The following RBFOX3 variants were observed in gnomAD, a reference collection of about 807,000 sequenced individuals.
RBFOX3 encodes the protein RNA binding fox-1 homolog 3.
Under a neutral mutation model 48.7 loss-of-function variants are expected in RBFOX3, and 17 were observed. That is an observed-to-expected ratio of 0.35 (90% confidence interval 0.24 to 0.52). The LOEUF is 0.52. RBFOX3 is among the 20% of genes least tolerant of loss of function. RBFOX3 has a pLI of 0.94. For missense variants in RBFOX3, 382 were observed against 497.5 expected (o/e 0.77, Z 2.21); for synonymous variants, 212 against 209.5 (o/e 1.01, Z -0.10).
intron 2 of RBFOX3, among the ~76,000 whole-genome samples, chr17:79,372,324 C>T: frequency 8.6e-6 from 1 of 115,630 alleles, no homozygotes. Context: ...CCTGTCAAAT[C>T]CCCCCCATCC....
intron 2 of RBFOX3, among the ~76,000 whole-genome samples, chr17:79,380,253 A>G (rs905991635): frequency 6.6e-6 from 1 of 152,190 alleles, no homozygotes; most frequent in African/African-American, 2.4e-5. Flanking sequence ...ATCTTACAGC[A>G]GAAGGATTTA....
In RBFOX3 at chr17:79,103,541, G is replaced by A. The variant is rs939878093; in HGVS notation, c.415-287C>T. ...GGCATCTCCAAAGGGACAGGCCAAA[G>A]CCACATAAGAGACGCCATACCTGAC... is the stretch of plus-strand genomic sequence containing the variant. On this transcript the variant is annotated intron_variant, in intron 7 of 14. Coordinates refer to ENST00000693108, the MANE Select transcript of RBFOX3 (RefSeq NM_001350451.2). The surrounding 1 kb of genome is among the most constrained non-coding windows in gnomAD (Gnocchi z 6.1). Among the ~76,000 whole-genome samples, 3 of 152,254 alleles carry A rather than the reference G, an allele frequency of 2.0e-5. No individual in the cohort carries two copies. The highest frequency in any genetic ancestry group is 3.9e-4 in the East Asian group (2 of 5,148).
intron 2 of RBFOX3, among the ~76,000 whole-genome samples, chr17:79,319,679 TA>T (rs1489801792): frequency 6.6e-6 from 1 of 151,962 alleles, no homozygotes; most frequent in Admixed American, 6.6e-5. Context: ...GCTGCTGGGC[TA>T]TATCTGGGCT....
chr17:79,132,776 C>A (rs576535599), intron 4 of RBFOX3: 1 of 151,632 alleles, frequency 6.6e-6, no homozygotes, highest in Non-Finnish European at 1.5e-5. Context: ...GGGGTGCAGG[C>A]GACATGAGGA....
chr17:79,370,525 A>C lies in RBFOX3; in HGVS notation c.-174-62701T>G, dbSNP rs200963526. On this transcript the variant is annotated intron_variant, in intron 2 of 14. Coordinates refer to ENST00000693108, the MANE Select transcript of RBFOX3 (RefSeq NM_001350451.2). ...ACACACACGTACACGTCTCTGGTAC[A>C]CCCTGAAATGCACACATACACTAAC... Among the ~76,000 whole-genome samples, 3 of 151,432 alleles carry C rather than the reference A, an allele frequency of 2.0e-5. No homozygotes were observed. The East Asian group carries it at 5.8e-4, about 29-fold the overall frequency.
In RBFOX3 at chr17:79,418,358, C is replaced by T. The variant is rs1205272691; in HGVS notation, c.-175+64096G>A. ...CACGTTTCCCACACTAAAAGTTGGC[C>T]ACGTTCTTCCTACAGCAAAAGAAAG... On this transcript the variant is annotated intron_variant, in intron 2 of 14. Coordinates refer to ENST00000693108, the MANE Select transcript of RBFOX3 (RefSeq NM_001350451.2). The surrounding 1 kb of genome is among the most constrained non-coding windows in gnomAD (Gnocchi z 5.0). Among the ~76,000 whole-genome samples the T allele has an allele frequency of 6.6e-6, 1 of 152,162 alleles. No individual in the cohort carries two copies. The highest frequency in any genetic ancestry group is 1.5e-5 in the Non-Finnish European group (1 of 68,042).
intron 4 of RBFOX3, chr17:79,235,375 T>C (rs74748211): frequency 0.28 from 40,102 of 141,634 alleles, 5,723 homozygotes; most frequent in East Asian, 0.53. Context: ...TGGGTGGCCA[T>C]GCGCGGAGCA....
intron 2 of RBFOX3, among the ~76,000 whole-genome samples, chr17:79,427,535 C>T (rs1021105702): frequency 1.6e-4 from 24 of 152,202 alleles, no homozygotes; most frequent in African/African-American, 5.3e-4. Flanking sequence ...CTTGTGGATG[C>T]TCCTGATGAA....
chr17:79,159,115 G>A (rs2046416687), intron 4 of RBFOX3, among the ~76,000 whole-genome samples: 1 of 151,946 alleles, frequency 6.6e-6, no homozygotes, highest in African/African-American at 2.4e-5. Flanking sequence ...GCATCTCTGT[G>A]GCAGGTGGGT....
intron 4 of RBFOX3, among the ~76,000 whole-genome samples, chr17:79,218,620 G>A (rs1404109918): frequency 1.3e-5 from 2 of 152,164 alleles, no homozygotes; most frequent in African/African-American, 4.8e-5. Context: ...ACCTCTGAAG[G>A]GGCTCCTAGG....
chr17:79,245,313 A>G (rs2063003348), intron 3 of RBFOX3, among the ~76,000 whole-genome samples: 1 of 152,136 alleles, frequency 6.6e-6, no homozygotes, highest in African/African-American at 2.4e-5. Flanking sequence ...CCTAGAGGCC[A>G]CATGCCACGG....
At chr17:79,296,465 G>A (rs1600482242) in intron 3 of RBFOX3, among the ~76,000 whole-genome samples, 2 of 152,172 alleles carry the variant, frequency 1.3e-5, no homozygotes, top group East Asian at 3.9e-4. Flanking sequence ...AATGACAAGT[G>A]TAGTGAGATT....
intron 3 of RBFOX3, among the ~76,000 whole-genome samples, chr17:79,261,683 C>G (rs1482027176): frequency 6.6e-6 from 1 of 152,212 alleles, no homozygotes; most frequent in African/African-American, 2.4e-5. Context: ...AGCAGCAGCT[C>G]GCACACAGGC....
At chr17:79,591,280 T>G (rs916888508) in intron 1 of RBFOX3, among the ~76,000 whole-genome samples, 6 of 152,128 alleles carry the variant, frequency 3.9e-5, no homozygotes, top group African/African-American at 1.4e-4. Flanking sequence ...AAGTTACTGC[T>G]GGAATGAGCC....
At chr17:79,397,492 CCAA>C (rs1568178084) in intron 2 of RBFOX3, among the ~76,000 whole-genome samples, 4 of 146,770 alleles carry the variant, frequency 2.7e-5, no homozygotes, top group Non-Finnish European at 6.0e-5. Flanking sequence ...GACTCCATCC[CCAA>C]AAAAAAAAAA....
At chr17:79,335,087 T>C (rs2080987546) in intron 2 of RBFOX3, among the ~76,000 whole-genome samples, 1 of 152,236 alleles carries the variant, frequency 6.6e-6, no homozygotes, top group Admixed American at 6.5e-5. Flanking sequence ...TGTGTCTGCC[T>C]CTGCATCCAG....
At chr17:79,180,371 G>A (rs978323879) in intron 4 of RBFOX3, among the ~76,000 whole-genome samples, 5 of 152,248 alleles carry the variant, frequency 3.3e-5, no homozygotes, top group Non-Finnish European at 7.3e-5. Flanking sequence ...GCATCTTAAT[G>A]TGCCTCAAAC....
chr17:79,261,116 C>T (rs534692547), intron 3 of RBFOX3, among the ~76,000 whole-genome samples: 5 of 152,296 alleles, frequency 3.3e-5, no homozygotes, highest in African/African-American at 1.2e-4. Flanking sequence ...CTACACCCCT[C>T]CAGTTCCCAC....
rs376199268 is a variant in RBFOX3 at position 79,437,193 on chromosome 17, G to T, written c.-175+45261C>A. Among the ~76,000 whole-genome samples the T allele has an allele frequency of 1.9e-4, 29 of 152,210 alleles. 1 individual carries two copies. In the East Asian group the frequency reaches 5.0e-3, roughly 26 times the overall value. On this transcript the variant is annotated intron_variant, in intron 2 of 14. Transcript: ENST00000693108. ...GGCCTGAGGGTCTCACCCCCCAGGA[G>T]CCCCCCTGGGGTCTGGGGCCGCCCC... is the stretch of plus-strand genomic sequence containing the variant.
Sources: allele counts gnomAD v4.1 joint callset (sites outside exome capture counted in the v4.1 genomes callset), GRCh38; gene constraint gnomAD v4.1.1; non-coding constraint Gnocchi (gnomAD v3.1); transcripts MANE v1.5; gene names NCBI Gene and HGNC (gene_info 2026-07-23, HGNC 2026-07-21).